Variants in ALS2 observed in about 807,000 individuals in gnomAD.
ALS2 encodes alsin.
Under a neutral mutation model 203.4 loss-of-function variants are expected in ALS2, and 117 were observed. The ratio of observed to expected loss-of-function variants is 0.58; its 90% CI spans 0.50 to 0.67. ALS2 has a LOEUF of 0.67. Ranked by LOEUF, ALS2 falls within the 30% of genes least tolerant of loss-of-function variation. The probability of loss-of-function intolerance (pLI) is 0.00; values close to 1 mark genes in which losing one functional copy is unlikely to be tolerated. For missense variants in ALS2, 1,715 were observed against 1,989.4 expected (o/e 0.86, Z 2.62); for synonymous variants, 718 against 725.9 (o/e 0.99, Z 0.17).
At chr2:201,758,877 A>G (rs1693578384) in intron 4 of ALS2, among the ~76,000 whole-genome samples, 1 of 152,184 alleles carries the variant, frequency 6.6e-6, no homozygotes, top group Non-Finnish European at 1.5e-5. Flanking sequence ...TACTCAAAAC[A>G]TTTTGTTGAA....
At chr2:201,705,385 T>C (rs1689642826) in intron 30 of ALS2, 31 bp downstream of exon 30, 2 of 1,608,980 alleles carry the variant, frequency 1.2e-6, no homozygotes, top group African/African-American at 1.3e-5. Flanking sequence ...GAGAAAAGCA[T>C]ATTTGCTGAG....
At chr2:201,738,639 AATG>A in intron 12 of ALS2, 28 bp downstream of exon 12, 1 of 1,599,198 alleles carries the variant, frequency 6.3e-7, no homozygotes, top group Non-Finnish European at 8.6e-7. Context: ...TGGCGGAGAG[AATG>A]ATAACTGGAA....
intron 5 of ALS2, 69 bp downstream of exon 5, chr2:201,757,333 C>T (rs1025061959): frequency 1.6e-5 from 20 of 1,237,402 alleles, no homozygotes; most frequent in Non-Finnish European, 2.3e-5. Context: ...TTTAATAATA[C>T]AGCATGCGAT....
intron 7 of ALS2, 59 bp from the exon 8 acceptor site, chr2:201,749,848 T>C: frequency 7.7e-7 from 1 of 1,296,374 alleles, no homozygotes; most frequent in East Asian, 2.3e-5. Context: ...GCACATCAAC[T>C]CTGAACCTTT....
At chr2:201,705,237 A>G (rs1355466289) in intron 30 of ALS2, 37 bp from the exon 31 acceptor site, 1 of 1,593,824 alleles carries the variant, frequency 6.3e-7, no homozygotes, top group Admixed American at 1.7e-5. Flanking sequence ...GAGGAAAACT[A>G]TTTTCTGCAA....
At chr2:201,769,313 T>C (rs1000567388) in intron 1 of ALS2, among the ~76,000 whole-genome samples, 1 of 152,232 alleles carries the variant, frequency 6.6e-6, no homozygotes, top group Non-Finnish European at 1.5e-5. Context: ...TTAAACGCTC[T>C]GTCTGGAATG....
chr2:201,738,388 G>A (rs1692021717), intron 12 of ALS2: 1 of 451,036 alleles, frequency 2.2e-6, no homozygotes, highest in African/African-American at 2.0e-5. Flanking sequence ...AAGAACACTA[G>A]GCCTACTGAG....
At position 201,767,349 on chromosome 2, in the gene ALS2, G is replaced by C; in HGVS notation, c.55C>G (p.Leu19Val). ...GATCCTGCCTGCCAGATATGGACCAGGCCTCTTTCCTTGGATCCTTCTGCC... is the reference window on the plus strand; with the variant it reads ...GATCCTGCCTGCCAGATATGGACCACGCCTCTTTCCTTGGATCCTTCTGCC... ...TEAEGSKERG[L>V]VHIWQAGSFP... Residue 19 changes from leucine (L) to valine (V), a missense_variant, in exon 3 of 34, where the codon CTG (leucine) becomes GTG (valine). Coordinates refer to ENST00000264276, the MANE Select transcript of ALS2 (RefSeq NM_020919.4). The C allele has an allele frequency of 6.2e-7, 1 of 1,614,084 alleles. No individual in the cohort carries two copies. The highest frequency in any genetic ancestry group is 8.5e-7 in the Non-Finnish European group (1 of 1,180,012).
intron 1 of ALS2, among the ~76,000 whole-genome samples, chr2:201,779,560 G>C (rs1286303429): frequency 6.6e-6 from 1 of 152,140 alleles, no homozygotes; most frequent in Non-Finnish European, 1.5e-5. Context: ...AAAAGAGTCA[G>C]TTTGGATCAT....
chr2:201,776,027 C>T (rs1694644217), intron 1 of ALS2, among the ~76,000 whole-genome samples: 1 of 152,078 alleles, frequency 6.6e-6, no homozygotes, highest in Non-Finnish European at 1.5e-5. Flanking sequence ...AGTTGCAATC[C>T]ACAGACTTCC....
In ALS2 at chr2:201,757,759, G is replaced by A. The variant is rs1442002766; in HGVS notation, c.1114C>T (p.Pro372Ser). 6.2e-7 allele frequency: 1 copy of A among 1,602,342 alleles called. No homozygotes were observed. Among genetic ancestry groups the A allele is most frequent in the Non-Finnish European group, 8.5e-7 (1 of 1,175,334 alleles). Residue 372 changes from proline (P) to serine (S), a missense_variant and splice_region_variant, in exon 5 of 34, where the codon CCT becomes TCT. This residue lies in a region of ALS2 where 476 missense variants were observed against 539.3 expected (regional missense o/e 0.88). Coordinates refer to ENST00000264276, the MANE Select transcript of ALS2 (RefSeq NM_020919.4). Reference protein sequence around the residue: ...EHGEKPVPSQPLLEEAIPNLH... With the variant: ...EHGEKPVPSQSLLEEAIPNLH... ...TTAGGAATTGCTTCTTCTAAAAGAG[G>A]CTAAAATATACACACATAAAAAATT... is the stretch of plus-strand genomic sequence containing the variant.
At chr2:201,740,481 G>C (rs1262490034) in intron 11 of ALS2, among the ~76,000 whole-genome samples, 1 of 152,132 alleles carries the variant, frequency 6.6e-6, no homozygotes, top group Non-Finnish European at 1.5e-5. Context: ...GAGGTATTAT[G>C]AGATGAATTC....
At chr2:201,751,996 G>C (rs896735279) in intron 7 of ALS2, among the ~76,000 whole-genome samples, 8 of 152,018 alleles carry the variant, frequency 5.3e-5, no homozygotes, top group Admixed American at 6.6e-5. Flanking sequence ...CTGTTGCATT[G>C]ATCTGTTTAA....
At chr2:201,748,227 C>T (rs548996259) in intron 8 of ALS2, among the ~76,000 whole-genome samples, 45 of 152,094 alleles carry the variant, frequency 3.0e-4, no homozygotes, top group African/African-American at 1.1e-3. Flanking sequence ...TGTGTGTCTA[C>T]TACTAATTTT....
intron 25 of ALS2, among the ~76,000 whole-genome samples, chr2:201,713,285 G>A (rs1020855628): frequency 6.6e-6 from 1 of 151,456 alleles, no homozygotes; most frequent in African/African-American, 2.4e-5. Flanking sequence ...TCAGGCCCGG[G>A]CTAATTTTGT....
At position 201,753,217 on chromosome 2, in the gene ALS2, G is replaced by A; in HGVS notation, c.1666C>T (p.Leu556=). The change falls in exon 7 of 34, where the codon CTG becomes TTG. Residue 556 remains leucine, a synonymous_variant. Coordinates refer to ENST00000264276, the MANE Select transcript of ALS2 (RefSeq NM_020919.4). The part of the protein sequence containing the change: ...PRLQPLCVKC[L]DGKEVIHLEA... ...AGATGGATTACTTCTTTGCCATCCAGACATTTTACACACAACGGTTGAAGC... is the reference window on the plus strand; with the variant it reads ...AGATGGATTACTTCTTTGCCATCCAAACATTTTACACACAACGGTTGAAGC... The A allele has an allele frequency of 6.2e-7, 1 of 1,614,100 alleles. No individual in the cohort carries two copies. The highest frequency in any genetic ancestry group is 8.5e-7 in the Non-Finnish European group (1 of 1,179,984).
Position 201,744,358 on chromosome 2 carries a change from C to A in ALS2, c.2070G>T (p.Gly690=). ...CTAACTCGTGGAGACTGGCAATATA[C>A]CCCATAATGTTTTTATCCACCAAGG... The part of the protein sequence containing the change: ...YLALVDKNIM[G]YIASLHELAT... Residue 690 remains glycine, a synonymous_variant, in exon 10 of 34, where the codon GGG becomes GGT. Transcript: ENST00000264276. 3 of 1,613,952 alleles carry A rather than the reference C, an allele frequency of 1.9e-6. No individual in the cohort carries two copies. Among genetic ancestry groups the A allele is most frequent in the Non-Finnish European group, 2.5e-6 (3 of 1,179,886 alleles).
At chr2:201,768,303 C>T (rs1694205076) in intron 2 of ALS2, among the ~76,000 whole-genome samples, 1 of 152,168 alleles carries the variant, frequency 6.6e-6, no homozygotes, top group African/African-American at 2.4e-5. Context: ...CAGTAATGAC[C>T]ATATCCTAAC....
chr2:201,776,164 T>C (rs573256888), intron 1 of ALS2, among the ~76,000 whole-genome samples: 3 of 152,358 alleles, frequency 2.0e-5, no homozygotes, highest in South Asian at 2.1e-4. Flanking sequence ...AAGACACTTT[T>C]ATCTCATGTC....
Sources: gnomAD v4.1 joint callset for allele counts (sites outside exome capture counted in the v4.1 genomes callset) on GRCh38, gnomAD v4.1.1 for gene constraint, gnomAD v4.1.1 regional missense constraint, MANE v1.5 for transcripts, NCBI Gene and HGNC (gene_info 2026-07-23, HGNC 2026-07-21) for gene names.